Variants in SGCD observed in about 807,000 individuals in gnomAD.
SGCD encodes the protein delta-sarcoglycan.
In SGCD, 18 loss-of-function variants were observed where a neutral mutation model predicts 36.6. The observed-to-expected ratio is 0.49, with a 90% confidence interval of 0.34 to 0.73. The LOEUF (loss-of-function observed/expected upper bound fraction) is 0.73. Ranked by LOEUF, SGCD falls within the 30% of genes least tolerant of loss-of-function variation. SGCD has a pLI of 0.01. For synonymous variants in SGCD, 133 were observed against 130.6 expected, an observed-to-expected ratio of 1.02 and a Z score of -0.12; for missense variants, 387 against 346.7, an observed-to-expected ratio of 1.12 and a Z score of -0.92.
At chr5:156,046,562 C>G (rs779280839) in intron 1 of SGCD, among the ~76,000 whole-genome samples, 3 of 151,924 alleles carry the variant, frequency 2.0e-5, no homozygotes, top group Non-Finnish European at 4.4e-5. Flanking sequence ...ACTATTTTAC[C>G]TGTTATGGCA....
intron 7 of SGCD, among the ~76,000 whole-genome samples, chr5:156,677,622 G>C (rs1753564700): frequency 6.6e-6 from 1 of 152,098 alleles, no homozygotes; most frequent in Non-Finnish European, 1.5e-5. Context: ...CACCAACATG[G>C]CACATGTACA....
At chr5:155,984,290 T>C (rs1242422426) in intron 1 of SGCD, among the ~76,000 whole-genome samples, 1 of 152,206 alleles carries the variant, frequency 6.6e-6, no homozygotes, top group African/African-American at 2.4e-5. Context: ...TTAGGATAAA[T>C]CACTTTCTAT....
At chr5:156,598,190 T>C (rs1204456357) in intron 6 of SGCD, among the ~76,000 whole-genome samples, 1 of 152,246 alleles carries the variant, frequency 6.6e-6, no homozygotes, top group South Asian at 2.1e-4. Context: ...TGGCATTTTC[T>C]ATTTTAATTC....
At chr5:155,821,317 T>C in the SGCD span, among the ~76,000 whole-genome samples, 12 of 152,150 alleles carry the variant, frequency 7.9e-5, no homozygotes, top group African/African-American at 2.9e-4. Context: ...AAGAGTTTTT[T>C]TTTTTCCTTC....
chr5:156,327,607 G>A (rs960632979), intron 1 of SGCD, among the ~76,000 whole-genome samples: 1 of 152,184 alleles, frequency 6.6e-6, no homozygotes, highest in Non-Finnish European at 1.5e-5. Flanking sequence ...CTGTCTGTGT[G>A]TTTTGCTTCA....
chr5:156,187,613 A>G (rs1232292644), intron 3 of SGCD, among the ~76,000 whole-genome samples: 1 of 144,160 alleles, frequency 6.9e-6, no homozygotes, highest in African/African-American at 2.5e-5. Flanking sequence ...GGCATGATGT[A>G]TGAGGATTAG....
intron 1 of SGCD, among the ~76,000 whole-genome samples, chr5:156,079,559 T>C (rs544896922): frequency 1.3e-5 from 2 of 152,304 alleles, no homozygotes; most frequent in South Asian, 4.1e-4. Flanking sequence ...GGTAAAGACA[T>C]TGGGTAAACA....
At chr5:156,238,915 A>C (rs925073240) in intron 3 of SGCD, among the ~76,000 whole-genome samples, 1 of 152,132 alleles carries the variant, frequency 6.6e-6, no homozygotes, top group South Asian at 2.1e-4. Flanking sequence ...GCTCTCCTGG[A>C]GTATCTGAGT....
At chr5:155,749,948 T>G in the SGCD span, among the ~76,000 whole-genome samples, 1 of 152,246 alleles carries the variant, frequency 6.6e-6, no homozygotes, top group African/African-American at 2.4e-5. Context: ...TTAAAGCAAA[T>G]GTGCTTTGCT....
chr5:156,423,652 G>A (rs1432010074), intron 3 of SGCD, among the ~76,000 whole-genome samples: 4 of 151,268 alleles, frequency 2.6e-5, no homozygotes, highest in Admixed American at 2.0e-4. Context: ...AGGAGGGAGG[G>A]CAGCCTCTCA....
At chr5:156,004,071 G>C (rs762399043) in intron 1 of SGCD, among the ~76,000 whole-genome samples, 1 of 152,122 alleles carries the variant, frequency 6.6e-6, no homozygotes, top group Non-Finnish European at 1.5e-5. Flanking sequence ...GATTAAGAAA[G>C]AAGAAAATTA....
chr5:156,657,622 G>A (rs553341254), intron 7 of SGCD, among the ~76,000 whole-genome samples: 19 of 152,184 alleles, frequency 1.2e-4, no homozygotes, highest in African/African-American at 4.6e-4. Context: ...AATTAGCTGG[G>A]TGTGGTGGTG....
chr5:155,922,470 T>C (rs1437730215), intron 1 of SGCD, among the ~76,000 whole-genome samples: 1 of 152,160 alleles, frequency 6.6e-6, no homozygotes, highest in Non-Finnish European at 1.5e-5. Context: ...AGGATAAACA[T>C]GAACTATCTC....
rs142415624 is a variant in SGCD, at chr5:156,270,241, A to G, written c.-43-59293A>G. 3.0e-4 allele frequency among the ~76,000 whole-genome samples: 46 copies of G among 152,122 alleles called. No homozygotes were observed. The East Asian group carries it at 3.9e-3, about 13-fold the overall frequency. ...CATTGGTCTATATGTCTGTTTTTGTACTAGTACCATGCTGTTTTGGTTACC... is the reference window on the plus strand; with the variant it reads ...CATTGGTCTATATGTCTGTTTTTGTGCTAGTACCATGCTGTTTTGGTTACC... On this transcript the variant is annotated intron_variant, in intron 3 of 9. Coordinates refer to the SGCD transcript ENST00000517913.
At chr5:155,730,621 G>T in the SGCD span, among the ~76,000 whole-genome samples, 1 of 152,142 alleles carries the variant, frequency 6.6e-6, no homozygotes, top group Non-Finnish European at 1.5e-5. Context: ...TGCTTTCCCA[G>T]CACACACTTG....
At chr5:155,768,738 C>G in the SGCD span, among the ~76,000 whole-genome samples, 1 of 151,980 alleles carries the variant, frequency 6.6e-6, no homozygotes, top group Non-Finnish European at 1.5e-5. Context: ...TCCAGAAGGC[C>G]CTATTTGACC....
chr5:156,548,920 C>T (rs1486026775), intron 4 of SGCD, among the ~76,000 whole-genome samples: 1 of 152,158 alleles, frequency 6.6e-6, no homozygotes, highest in Non-Finnish European at 1.5e-5. Flanking sequence ...AATACCCTGT[C>T]TCCAGGTAAA....
intron 1 of SGCD, among the ~76,000 whole-genome samples, chr5:155,976,236 TA>T: frequency 6.6e-6 from 1 of 152,254 alleles, no homozygotes; most frequent in East Asian, 1.9e-4. Flanking sequence ...TTTGTCTCTA[TA>T]AAAATAGGTC....
the SGCD span, among the ~76,000 whole-genome samples, chr5:155,737,305 AAC>A: frequency 6.6e-6 from 1 of 152,218 alleles, no homozygotes; most frequent in African/African-American, 2.4e-5. Context: ...CAAAAAATAT[AAC>A]ACTTACCCTT....
Sources: gnomAD v4.1 joint callset for allele counts (sites outside exome capture counted in the v4.1 genomes callset) on GRCh38, gnomAD v4.1.1 for gene constraint, MANE v1.5 for transcripts, NCBI Gene and HGNC (gene_info 2026-07-23, HGNC 2026-07-21) for gene names.